Variants in DCDC2 observed in about 807,000 individuals in gnomAD.
DCDC2 encodes the protein doublecortin domain containing 2, also known as doublecortin domain-containing protein 2.
Under a neutral mutation model 50.2 loss-of-function variants are expected in DCDC2, and 40 were observed. That is an observed-to-expected ratio of 0.80 (90% confidence interval 0.62 to 1.04). The LOEUF (loss-of-function observed/expected upper bound fraction) is 1.04, where lower values mean the gene tolerates loss of function less well. Ranked by LOEUF, DCDC2 falls within the 50% of genes least tolerant of loss-of-function variation. The pLI is 0.00. For synonymous variants in DCDC2, 234 were observed against 210.6 expected, an observed-to-expected ratio of 1.11 and a Z score of -0.96; for missense variants, 570 against 581.9, an observed-to-expected ratio of 0.98 and a Z score of 0.21.
upstream of DCDC2, among the ~76,000 whole-genome samples, chr6:24,358,905 T>TTATATA (rs1409520232): frequency 2.8e-5 from 1 of 35,272 alleles, no homozygotes; most frequent in African/African-American, 2.3e-4. Context: ...ATATAATATA[T>TTATATA]TATATATTAT....
At position 24,357,757 on chromosome 6, in the gene DCDC2, C is replaced by T; in HGVS notation, c.-7G>A. 5 of 1,612,204 alleles carry T rather than the reference C, an allele frequency of 3.1e-6. No individual in the cohort carries two copies. Among genetic ancestry groups the T allele is most frequent in the South Asian group, 2.2e-5 (2 of 91,030 alleles). On this transcript the variant is annotated 5_prime_UTR_variant, in exon 1 of 10. Coordinates refer to ENST00000378454, the MANE Select transcript of DCDC2 (RefSeq NM_016356.5). ...TGGCGCTGCTGCCGCTCATCTTCCC[C>T]GCTGGCCGCCGCCTCAGCTCGCTGC... is the stretch of plus-strand genomic sequence containing the variant.
At chr6:24,304,444 T>C (rs1759434319) in intron 2 of DCDC2, among the ~76,000 whole-genome samples, 1 of 152,130 alleles carries the variant, frequency 6.6e-6, no homozygotes, top group African/African-American at 2.4e-5. Context: ...GATGGCACCA[T>C]TGCACTCCAG....
At chr6:24,199,549 A>G (rs925729995) in intron 8 of DCDC2, among the ~76,000 whole-genome samples, 2 of 152,234 alleles carry the variant, frequency 1.3e-5, no homozygotes, top group African/African-American at 4.8e-5. Flanking sequence ...ATCCACAAAG[A>G]TGACAATAAA....
At chr6:24,328,489 G>T (rs902901364) in intron 2 of DCDC2, among the ~76,000 whole-genome samples, 3 of 152,160 alleles carry the variant, frequency 2.0e-5, no homozygotes, top group Non-Finnish European at 4.4e-5. Context: ...GAGAATCCCT[G>T]CTTTTGGGAC....
chr6:24,342,997 T>TTTTATATCTGCAGGCCTAGAATGTA (rs1760188888), intron 2 of DCDC2, among the ~76,000 whole-genome samples: 1 of 152,112 alleles, frequency 6.6e-6, no homozygotes, highest in Admixed American at 6.5e-5. Context: ...ACGTGAGTCT[T>TTTTATATCTGCAGGCCTAGAATGTA]TTTATATCTG....
intron 7 of DCDC2, among the ~76,000 whole-genome samples, chr6:24,253,281 T>C (rs1762829028): frequency 6.6e-6 from 1 of 152,150 alleles, no homozygotes; most frequent in South Asian, 2.1e-4. Flanking sequence ...AAAATACTAA[T>C]GTGAGAATAA....
At chr6:24,372,160 G>A in the DCDC2 span, among the ~76,000 whole-genome samples, 1 of 152,142 alleles carries the variant, frequency 6.6e-6, no homozygotes, top group Non-Finnish European at 1.5e-5. Flanking sequence ...GGTGGCTCAC[G>A]CCTGTAATCC....
chr6:24,328,968 G>GT (rs1272714631), intron 2 of DCDC2, among the ~76,000 whole-genome samples: 1 of 152,108 alleles, frequency 6.6e-6, no homozygotes, highest in African/African-American at 2.4e-5. Context: ...ATAAACATTA[G>GT]TTTTTTCCAG....
intron 8 of DCDC2, among the ~76,000 whole-genome samples, chr6:24,199,314 A>C (rs1761528349): frequency 1.3e-5 from 2 of 152,204 alleles, no homozygotes; most frequent in Non-Finnish European, 2.9e-5. Flanking sequence ...CAGAGGAAGG[A>C]ACAGGCAGCA....
chr6:24,255,590 T>C (rs1399905779), intron 7 of DCDC2, among the ~76,000 whole-genome samples: 2 of 151,972 alleles, frequency 1.3e-5, no homozygotes, highest in East Asian at 1.9e-4. Context: ...CAAATCAATA[T>C]GAAAAAGGCA....
upstream of DCDC2, among the ~76,000 whole-genome samples, chr6:24,361,276 G>T (rs1007270581): frequency 1.3e-5 from 2 of 152,130 alleles, no homozygotes; most frequent in African/African-American, 4.8e-5. Flanking sequence ...CTACTTGAGG[G>T]TGGAGCGTGG....
chr6:24,381,047 A>G, the DCDC2 span, among the ~76,000 whole-genome samples: 1 of 151,646 alleles, frequency 6.6e-6, no homozygotes, highest in African/African-American at 2.4e-5. Context: ...ACACCACTGC[A>G]CTGCAGCCTG....
Position 24,357,719 on chromosome 6 carries a change from A to C in DCDC2, c.32T>G (p.Leu11Arg). The change falls in exon 1 of 10, where the codon CTG (leucine) becomes CGG (arginine). Residue 11 changes from leucine to arginine, a missense_variant. Transcript: ENST00000378454. ...CACGCTCTTCACGACGGGCTGAGAC[A>C]GGTGGCTGGACCTGGCGCTGCTGCC... Reference protein sequence around the residue: MSGSSARSSHLSQPVVKSVLV... With the variant: MSGSSARSSHRSQPVVKSVLV... 1 of 1,612,914 alleles carries C rather than the reference A, an allele frequency of 6.2e-7. No individual in the cohort carries two copies. The highest frequency in any genetic ancestry group is 8.5e-7 in the Non-Finnish European group (1 of 1,179,676).
chr6:24,234,545 AAGG>A (rs1762403467), intron 7 of DCDC2, among the ~76,000 whole-genome samples: 2 of 152,300 alleles, frequency 1.3e-5, no homozygotes, highest in African/African-American at 4.8e-5. Context: ...TGGAGAAAAA[AAGG>A]AGAACCTAAA....
chr6:24,215,486 T>A (rs1195948155), intron 7 of DCDC2, among the ~76,000 whole-genome samples: 5 of 152,080 alleles, frequency 3.3e-5, no homozygotes, highest in African/African-American at 9.7e-5. Flanking sequence ...CATGACAGGC[T>A]GTGTGGAGGG....
intron 4 of DCDC2, among the ~76,000 whole-genome samples, chr6:24,295,273 C>G (rs1368032308): frequency 6.6e-6 from 1 of 152,128 alleles, no homozygotes; most frequent in East Asian, 1.9e-4. Context: ...AATTCAACAT[C>G]CCTTCAAGTT....
chr6:24,301,705 T>C lies in DCDC2; in HGVS notation c.557+10A>G. The C allele has an allele frequency of 6.2e-7, 1 of 1,612,782 alleles. No homozygotes were observed. The highest frequency in any genetic ancestry group is 1.1e-5 in the South Asian group (1 of 90,828). ...AAAACTCCTCCACTTACAAGATTGT[T>C]TTGACATACCTGTGAACAGCCCCGC... is the stretch of plus-strand genomic sequence containing the variant. On this transcript the variant is annotated intron_variant, in intron 4 of 9. Coordinates refer to ENST00000378454, the MANE Select transcript of DCDC2 (RefSeq NM_016356.5).
chr6:24,173,019 T>TAATAAA lies in DCDC2; in HGVS notation c.*1710_*1711insTTTATT, dbSNP rs1187188310. On this transcript the variant is annotated 3_prime_UTR_variant, in exon 10 of 10. Coordinates refer to ENST00000378454, the MANE Select transcript of DCDC2 (RefSeq NM_016356.5). ...ATAATAATAATAATAATAATAATAATAAAGATCAATTGGTCTATTTGCCTA... is the reference window on the plus strand; with the variant it reads ...ATAATAATAATAATAATAATAATAATAATAAAAAAGATCAATTGGTCTATTTGCCTA... The TAATAAA allele has an allele frequency of 6.7e-6, 1 of 150,266 alleles. No individual in the cohort carries two copies. 9.3% of individuals were successfully genotyped at this position (150,266 alleles called of 1,614,324 possible). A position where few individuals can be genotyped will look rare whatever the true frequency, so the allele number is the denominator to read the frequency against.
chr6:24,179,083 A>G (rs1349845253), intron 8 of DCDC2, among the ~76,000 whole-genome samples: 1 of 152,138 alleles, frequency 6.6e-6, no homozygotes, highest in East Asian at 1.9e-4. Flanking sequence ...GTCATCCTCA[A>G]GGCTAAGGAT....
Sources: gnomAD v4.1 joint callset for allele counts (sites outside exome capture counted in the v4.1 genomes callset) on GRCh38, gnomAD v4.1.1 for gene constraint, MANE v1.5 for transcripts, NCBI Gene and HGNC (gene_info 2026-07-23, HGNC 2026-07-21) for gene names.